Variants in CADPS2 observed in about 807,000 individuals in gnomAD.
CADPS2 encodes the protein calcium dependent secretion activator 2.
CADPS2 carries 93 observed loss-of-function variants against 172.5 expected under a neutral mutation model. The ratio of observed to expected loss-of-function variants is 0.54; its 90% CI spans 0.46 to 0.64. The LOEUF (loss-of-function observed/expected upper bound fraction) is 0.64. CADPS2 is among the 30% of genes least tolerant of loss of function. The probability of loss-of-function intolerance (pLI) is 0.00; values close to 1 mark genes in which losing one functional copy is unlikely to be tolerated. For missense variants in CADPS2, 1,420 were observed against 1,565.9 expected (o/e 0.91, Z 1.57); for synonymous variants, 546 against 555.2 (o/e 0.98, Z 0.23).
At chr7:122,560,635 C>A (rs2065634811) in intron 7 of CADPS2, among the ~76,000 whole-genome samples, 1 of 152,136 alleles carries the variant, frequency 6.6e-6, no homozygotes. Context: ...GTCCTTGAGA[C>A]AAAGGATATT....
chr7:122,509,146 AAGTG>A lies in CADPS2; in HGVS notation c.1542+4099_1542+4102del, dbSNP rs1375190930. Among the ~76,000 whole-genome samples the A allele has an allele frequency of 3.9e-5, 6 of 152,252 alleles. No individual in the cohort carries two copies. The East Asian group carries it at 1.2e-3, about 30-fold the overall frequency. The stretch of plus-strand genomic sequence containing the variant: ...TTCTTCAGGTGGTAGTTTCATTCTC[AAGTG>A]AGTGAGAGGAGTCTGCTGTAATGGG... On this transcript the variant is annotated intron_variant, in intron 9 of 29. Coordinates refer to ENST00000449022, the MANE Select transcript of CADPS2 (RefSeq NM_017954.11).
At chr7:122,547,876 A>G (rs2063785992) in intron 8 of CADPS2, among the ~76,000 whole-genome samples, 1 of 152,182 alleles carries the variant, frequency 6.6e-6, no homozygotes, top group Admixed American at 6.5e-5. Context: ...TGAGCATTCT[A>G]GAGTAGAGCT....
Position 122,873,879 on chromosome 7 carries a change from T to A in CADPS2, c.339+12120A>T, listed in dbSNP as rs143425601. ...CCATTCTAACTGGCATGAGATGATA[T>A]CTCGTTGTGGTTTTGATTTGCATTT... On this transcript the variant is annotated intron_variant, in intron 1 of 29. Transcript: ENST00000449022. Among the ~76,000 whole-genome samples, 135 of 152,352 alleles carry A rather than the reference T, an allele frequency of 8.9e-4. 1 individual carries two copies. Among genetic ancestry groups the A allele is most frequent in the African/African-American group, 3.2e-3 (134 of 41,586 alleles).
intron 2 of CADPS2, among the ~76,000 whole-genome samples, chr7:122,679,471 C>T (rs951212757): frequency 1.3e-5 from 2 of 152,104 alleles, no homozygotes; most frequent in African/African-American, 2.4e-5. Context: ...CACAGCAGGA[C>T]GTGGACGTTC....
chr7:122,454,044 C>T (rs907575318), intron 14 of CADPS2, among the ~76,000 whole-genome samples: 1 of 152,140 alleles, frequency 6.6e-6, no homozygotes, highest in Non-Finnish European at 1.5e-5. Flanking sequence ...AAGCAGCCTT[C>T]TATATCTAAA....
chr7:122,845,254 A>G (rs949054369), intron 1 of CADPS2, among the ~76,000 whole-genome samples: 1 of 152,172 alleles, frequency 6.6e-6, no homozygotes, highest in Non-Finnish European at 1.5e-5. Context: ...TGTGTGTGCT[A>G]AGATGTGACC....
In CADPS2 at chr7:122,387,104, G is replaced by T; in HGVS notation, c.3234C>A (p.Ser1078=). 1 of 1,570,622 alleles carries T rather than the reference G, an allele frequency of 6.4e-7. No individual in the cohort carries two copies. The highest frequency in any genetic ancestry group is 1.9e-5 in the Admixed American group (1 of 53,798). The change falls in exon 24 of 30, where the codon TCC becomes TCA. Residue 1078 remains serine, a synonymous_variant. Transcript: ENST00000449022. ...CTAATACATTAAACATAGTGCAAAC[G>T]GAAGCTGGAATGCGCAAGTCAGTTG... ...SKTTDLRIPA[S]VCTMFNVLVD...
intron 12 of CADPS2, among the ~76,000 whole-genome samples, chr7:122,475,095 G>T (rs1040258179): frequency 6.6e-6 from 1 of 152,156 alleles, no homozygotes; most frequent in South Asian, 2.1e-4. Flanking sequence ...AAAGCTTAAC[G>T]TCCCAAATGG....
intron 28 of CADPS2, among the ~76,000 whole-genome samples, chr7:122,332,944 A>G (rs2035236286): frequency 6.6e-6 from 1 of 152,190 alleles, no homozygotes. Flanking sequence ...CCTAGCACTA[A>G]AAAGACTAGT....
intron 9 of CADPS2, among the ~76,000 whole-genome samples, chr7:122,508,446 TAAG>T (rs1177282913): frequency 1.2e-4 from 18 of 144,384 alleles, no homozygotes; most frequent in East Asian, 8.0e-4. Flanking sequence ...TTTATTCATT[TAAG>T]TTTTTTTTTT....
chr7:122,788,013 C>G (rs1340774700), intron 1 of CADPS2, among the ~76,000 whole-genome samples: 1 of 152,116 alleles, frequency 6.6e-6, no homozygotes, highest in African/African-American at 2.4e-5. Flanking sequence ...AAACATCCCC[C>G]CTGTGAGAAT....
At chr7:122,344,054 A>C (rs1304878698) in intron 28 of CADPS2, among the ~76,000 whole-genome samples, 1 of 152,216 alleles carries the variant, frequency 6.6e-6, no homozygotes, top group Non-Finnish European at 1.5e-5. Context: ...AACATAAAGC[A>C]TGAAAGATAA....
chr7:122,467,605 A>G (rs1484124192), intron 14 of CADPS2, among the ~76,000 whole-genome samples: 1 of 152,222 alleles, frequency 6.6e-6, no homozygotes, highest in Non-Finnish European at 1.5e-5. Flanking sequence ...AGCACATCTG[A>G]GCTGGCGTTT....
At chr7:122,620,503 A>G (rs2471214) in intron 5 of CADPS2, among the ~76,000 whole-genome samples, 74,307 of 152,024 alleles carry the variant, frequency 0.49, 18,467 homozygotes, top group East Asian at 0.69. Flanking sequence ...CACATCATCA[A>G]TGAAGAGATA....
chr7:122,831,679 T>C (rs1806607678), intron 1 of CADPS2, among the ~76,000 whole-genome samples: 1 of 152,172 alleles, frequency 6.6e-6, no homozygotes, highest in African/African-American at 2.4e-5. Flanking sequence ...GAAAAATTCA[T>C]CACTCTCCCA....
chr7:122,870,137 G>T (rs1000847734), intron 1 of CADPS2, among the ~76,000 whole-genome samples: 4 of 151,856 alleles, frequency 2.6e-5, no homozygotes, highest in Non-Finnish European at 5.9e-5. Context: ...TAACTTTTCT[G>T]ATCAAAAGAC....
chr7:122,692,990 T>C (rs1040852881), intron 2 of CADPS2, among the ~76,000 whole-genome samples: 3 of 152,206 alleles, frequency 2.0e-5, no homozygotes, highest in Non-Finnish European at 2.9e-5. Flanking sequence ...AGCCAAATGA[T>C]AAATCTTCCC....
At chr7:122,828,182 G>C (rs1424469804) in intron 1 of CADPS2, among the ~76,000 whole-genome samples, 1 of 152,076 alleles carries the variant, frequency 6.6e-6, no homozygotes, top group Non-Finnish European at 1.5e-5. Flanking sequence ...TCTAGAACTA[G>C]TATCTCTAAT....
intron 2 of CADPS2, among the ~76,000 whole-genome samples, chr7:122,679,363 G>C (rs560445460): frequency 7.0e-6 from 1 of 142,746 alleles, no homozygotes; most frequent in East Asian, 2.3e-4. Context: ...AGCACCCCCA[G>C]GCTTGCTAGG....
Sources: allele counts gnomAD v4.1 joint callset (sites outside exome capture counted in the v4.1 genomes callset), GRCh38; gene constraint gnomAD v4.1.1; transcripts MANE v1.5; gene names NCBI Gene and HGNC (gene_info 2026-07-23, HGNC 2026-07-21).